SLC9A9: variants seen among roughly 807,000 people sequenced by gnomAD.
SLC9A9 encodes the protein solute carrier family 9 member A9.
In SLC9A9, 62 loss-of-function variants were observed where a neutral mutation model predicts 77.8. That is an observed-to-expected ratio of 0.80 (90% CI 0.65 to 0.98). The LOEUF is 0.98. SLC9A9 is among the 50% of genes least tolerant of loss of function. The pLI is 0.00. For missense variants in SLC9A9, 775 were observed against 774.9 expected, an observed-to-expected ratio of 1.00 and a Z score of 0.00; for synonymous variants, 320 against 283.5, an observed-to-expected ratio of 1.13 and a Z score of -1.29.
At chr3:143,361,996 T>A (rs897672637) in intron 14 of SLC9A9, among the ~76,000 whole-genome samples, 3 of 152,210 alleles carry the variant, frequency 2.0e-5, no homozygotes, top group Admixed American at 1.3e-4. Context: ...TTAGTCAAAT[T>A]TTTATAATTT....
chr3:143,795,156 C>T, intron 3 of SLC9A9, 79 bp from the exon 4 acceptor site: 1 of 1,341,140 alleles, frequency 7.5e-7, no homozygotes, highest in Non-Finnish European at 1.0e-6. Context: ...TAAATGTATG[C>T]AGTTCACAGA....
intron 6 of SLC9A9, among the ~76,000 whole-genome samples, chr3:143,595,473 C>T (rs960853303): frequency 2.6e-5 from 4 of 152,114 alleles, no homozygotes; most frequent in African/African-American, 4.8e-5. Context: ...ATTCTCTTTC[C>T]TGAATCAGGA....
chr3:143,484,632 C>T (rs1289721068), intron 11 of SLC9A9, among the ~76,000 whole-genome samples: 2 of 141,714 alleles, frequency 1.4e-5, no homozygotes, highest in South Asian at 2.2e-4. Flanking sequence ...GGATGGGGGT[C>T]AGGTTTGCAT....
At chr3:143,356,420 C>G (rs1349120895) in intron 14 of SLC9A9, among the ~76,000 whole-genome samples, 1 of 152,132 alleles carries the variant, frequency 6.6e-6, no homozygotes, top group East Asian at 1.9e-4. Context: ...GTTACCTGAA[C>G]AAAAGACTGC....
intron 8 of SLC9A9, among the ~76,000 whole-genome samples, chr3:143,564,833 C>T (rs2037143414): frequency 6.6e-6 from 1 of 152,010 alleles, no homozygotes; most frequent in Non-Finnish European, 1.5e-5. Flanking sequence ...ATCTATGTTG[C>T]CAGGTTTAGA....
intron 6 of SLC9A9, among the ~76,000 whole-genome samples, chr3:143,623,275 C>T (rs2038255209): frequency 2.0e-5 from 3 of 152,188 alleles, no homozygotes; most frequent in Admixed American, 6.5e-5. Context: ...TAATAGACAT[C>T]TACAGAATTC....
chr3:143,797,547 C>T (rs1005411397), intron 2 of SLC9A9, among the ~76,000 whole-genome samples: 8 of 152,008 alleles, frequency 5.3e-5, no homozygotes, highest in Non-Finnish European at 8.8e-5. Flanking sequence ...TGAAAATGGC[C>T]GGTTCCTGCC....
At chr3:143,337,269 C>T (rs2031955061) in intron 14 of SLC9A9, among the ~76,000 whole-genome samples, 1 of 152,070 alleles carries the variant, frequency 6.6e-6, no homozygotes, top group African/African-American at 2.4e-5. Context: ...TCCTTCCACC[C>T]CCCACCCTCA....
chr3:143,848,266 C>T lies in SLC9A9; in HGVS notation c.57G>A (p.Gln19=). The T allele has an allele frequency of 1.2e-6, 2 of 1,614,030 alleles. No individual in the cohort carries two copies. The highest frequency in any genetic ancestry group is 1.7e-6 in the Non-Finnish European group (2 of 1,179,944). ...SEKDEYQFQH[Q]GAVELLVFNF... ...TGAAGACAAGCAGCTCCACCGCTCC[C>T]TGATGTTGAAACTGATACTCATCCT... The change falls in exon 1 of 16, where the codon CAG becomes CAA. Residue 19 remains glutamine, a synonymous_variant. Coordinates refer to ENST00000316549, the MANE Select transcript of SLC9A9 (RefSeq NM_173653.4).
At chr3:143,751,005 T>C (rs892563181) in intron 4 of SLC9A9, among the ~76,000 whole-genome samples, 13 of 152,296 alleles carry the variant, frequency 8.5e-5, no homozygotes, top group African/African-American at 3.1e-4. Context: ...ATGCTGGCTC[T>C]CCCCTCTCCA....
At chr3:143,300,245 A>C (rs2108426911) in intron 14 of SLC9A9, among the ~76,000 whole-genome samples, 1 of 152,354 alleles carries the variant, frequency 6.6e-6, no homozygotes, top group South Asian at 2.1e-4. Flanking sequence ...GAAAAGGGAC[A>C]GAGTATTTGC....
chr3:143,752,642 A>C (rs2006771227), intron 4 of SLC9A9, among the ~76,000 whole-genome samples: 2 of 151,922 alleles, frequency 1.3e-5, no homozygotes, highest in Non-Finnish European at 2.9e-5. Context: ...ACAGAGCCGC[A>C]ACTCTTGAAA....
intron 6 of SLC9A9, chr3:143,620,381 T>G (rs748089811): frequency 1.3e-5 from 2 of 152,186 alleles, no homozygotes; most frequent in Non-Finnish European, 2.9e-5. Flanking sequence ...TACTAACACA[T>G]AGTAAACACT....
At chr3:143,407,814 AC>A (rs2034010835) in intron 12 of SLC9A9, among the ~76,000 whole-genome samples, 1 of 152,204 alleles carries the variant, frequency 6.6e-6, no homozygotes, top group Admixed American at 6.5e-5. Context: ...TAATATGCAT[AC>A]TCATTACCTG....
chr3:143,600,184 C>A lies in SLC9A9; in HGVS notation c.756-21461G>T, dbSNP rs1483250898. Among the ~76,000 whole-genome samples the A allele has an allele frequency of 2.0e-5, 3 of 152,150 alleles. No homozygotes were observed. The East Asian group carries it at 5.8e-4, about 29-fold the overall frequency. Reference sequence around the variant, plus strand: ...CCAAATGCTATTCCTCCCCTAGCCTCCAACCCCTCAACAGGCCCCGGTGTG... The same window carrying A: ...CCAAATGCTATTCCTCCCCTAGCCTACAACCCCTCAACAGGCCCCGGTGTG... On this transcript the variant is annotated intron_variant, in intron 6 of 15. Transcript: ENST00000316549.
intron 9 of SLC9A9, among the ~76,000 whole-genome samples, chr3:143,507,117 G>A (rs2036034559): frequency 6.6e-6 from 1 of 151,812 alleles, no homozygotes; most frequent in East Asian, 1.9e-4. Flanking sequence ...TAGGTTCATA[G>A]CAAAATTGAG....
chr3:143,688,785 T>TTTTAAA (rs1933360246), intron 5 of SLC9A9, among the ~76,000 whole-genome samples: 1 of 151,982 alleles, frequency 6.6e-6, no homozygotes, highest in Admixed American at 6.6e-5. Flanking sequence ...CAACCTCTCA[T>TTTTAAA]ACCATAAGCA....
At chr3:143,752,579 T>C (rs749581665) in intron 4 of SLC9A9, among the ~76,000 whole-genome samples, 4 of 152,028 alleles carry the variant, frequency 2.6e-5, no homozygotes, top group Non-Finnish European at 5.9e-5. Flanking sequence ...AGTGTAGTTA[T>C]AATACTTGGT....
chr3:143,346,922 C>T (rs1397382279), intron 14 of SLC9A9: 1 of 152,164 alleles, frequency 6.6e-6, no homozygotes, highest in Non-Finnish European at 1.5e-5. Context: ...TCAGATGACT[C>T]TTGTCAATTT....
Sources: allele counts gnomAD v4.1 joint callset (sites outside exome capture counted in the v4.1 genomes callset), GRCh38; gene constraint gnomAD v4.1.1; transcripts MANE v1.5; gene names NCBI Gene and HGNC (gene_info 2026-07-23, HGNC 2026-07-21).